ADGRL3: variants seen among roughly 807,000 people sequenced by gnomAD.
The protein encoded by ADGRL3 is calcium-independent alpha-latrotoxin receptor 3.
ADGRL3 carries 62 observed loss-of-function variants against 153.5 expected under a neutral mutation model. That is an observed-to-expected ratio of 0.40 (90% CI 0.33 to 0.50). The LOEUF (loss-of-function observed/expected upper bound fraction) is 0.50. Ranked by LOEUF, ADGRL3 falls within the 20% of genes least tolerant of loss-of-function variation. ADGRL3 has a pLI of 0.47. For missense variants in ADGRL3, 1,641 were observed against 1,859.4 expected (o/e 0.88, Z 2.16); for synonymous variants, 710 against 672.5 (o/e 1.06, Z -0.86).
At chr4:61,322,729 C>T (rs1560472522) in intron 1 of ADGRL3, among the ~76,000 whole-genome samples, 1 of 152,196 alleles carries the variant, frequency 6.6e-6, no homozygotes, top group Non-Finnish European at 1.5e-5. Flanking sequence ...GCAGCTCCAC[C>T]CCTGTGGCTT....
At chr4:61,717,194 T>TTGTG (rs1334504922) in intron 6 of ADGRL3, among the ~76,000 whole-genome samples, 4 of 114,556 alleles carry the variant, frequency 3.5e-5, no homozygotes, top group Admixed American at 3.0e-4. Flanking sequence ...GCCACATAGT[T>TTGTG]TATGTGTGTG....
chr4:61,337,842 C>G (rs2095711775), intron 1 of ADGRL3, among the ~76,000 whole-genome samples: 1 of 152,250 alleles, frequency 6.6e-6, no homozygotes, highest in East Asian at 1.9e-4. Context: ...GAGCATTAAC[C>G]TGCAAGGTTC....
At chr4:61,729,262 A>G (rs1168968583) in intron 6 of ADGRL3, among the ~76,000 whole-genome samples, 1 of 151,966 alleles carries the variant, frequency 6.6e-6, no homozygotes, top group Admixed American at 6.6e-5. Context: ...TGAAGGATCT[A>G]AAATTTGATA....
At chr4:61,258,850 T>C (rs915359578) in intron 1 of ADGRL3, among the ~76,000 whole-genome samples, 4 of 152,178 alleles carry the variant, frequency 2.6e-5, no homozygotes, top group African/African-American at 9.7e-5. Context: ...AATAACCTAC[T>C]TCTAGGAAGT....
chr4:61,835,856 A>G (rs1012424879), intron 9 of ADGRL3, among the ~76,000 whole-genome samples: 2 of 152,212 alleles, frequency 1.3e-5, no homozygotes, highest in South Asian at 4.1e-4. Flanking sequence ...GCTACACAGC[A>G]TTGGGCAGTT....
At chr4:61,696,670 C>CTTTTTTTTTTTTTTT (rs34306284) in intron 6 of ADGRL3, among the ~76,000 whole-genome samples, 1 of 102,016 alleles carries the variant, frequency 9.8e-6, no homozygotes, top group African/African-American at 4.0e-5. Context: ...TTTTTTTAAC[C>CTTTTTTTTTTTTTTT]TTTTTTTTTT....
At position 61,760,632 on chromosome 4, in the gene ADGRL3, C is replaced by T. The variant is rs185024366; in HGVS notation, c.1399+27078C>T. 2.7e-3 allele frequency among the ~76,000 whole-genome samples: 407 copies of T among 152,306 alleles called. 8 individuals are homozygous for T. Among genetic ancestry groups the T allele is most frequent in the East Asian group, 2.1e-3 (11 of 5,162 alleles). On this transcript the variant is annotated intron_variant, in intron 8 of 26. Coordinates refer to ENST00000683033, the MANE Select transcript of ADGRL3 (RefSeq NM_001387552.1). The stretch of plus-strand genomic sequence containing the variant: ...AGTGAGGCGATGCCTCGCCCTGCTT[C>T]GGCTCACGCTGGGTGCGCTGCACCC...
At chr4:61,447,729 G>A (rs2097602657) in intron 2 of ADGRL3, among the ~76,000 whole-genome samples, 1 of 152,162 alleles carries the variant, frequency 6.6e-6, no homozygotes, top group African/African-American at 2.4e-5. Flanking sequence ...TAATATTACA[G>A]CTTTGCCCCT....
chr4:61,461,649 A>G (rs927979276), intron 2 of ADGRL3, among the ~76,000 whole-genome samples: 2 of 152,224 alleles, frequency 1.3e-5, no homozygotes, highest in African/African-American at 4.8e-5. Flanking sequence ...CACAGAAAAA[A>G]GTGAATTTTA....
intron 25 of ADGRL3, among the ~76,000 whole-genome samples, chr4:62,063,893 T>A (rs1037141461): frequency 2.0e-5 from 3 of 152,116 alleles, no homozygotes; most frequent in African/African-American, 7.2e-5. Context: ...TAAAATGTAT[T>A]GTGGTTTGTC....
intron 2 of ADGRL3, among the ~76,000 whole-genome samples, chr4:61,487,851 A>T (rs1405677292): frequency 6.6e-6 from 1 of 151,966 alleles, no homozygotes; most frequent in Non-Finnish European, 1.5e-5. Flanking sequence ...TTTAGTTTTA[A>T]TTATTGGGGA....
At chr4:61,784,425 T>C (rs17090539) in intron 8 of ADGRL3, among the ~76,000 whole-genome samples, 2,258 of 128,964 alleles carry the variant, frequency 0.018, 55 homozygotes, top group African/African-American at 0.061. Flanking sequence ...CAAATACATA[T>C]TAGTTGACTC....
intron 1 of ADGRL3, among the ~76,000 whole-genome samples, chr4:61,352,963 CA>C (rs1451698323): frequency 6.6e-6 from 1 of 152,108 alleles, no homozygotes; most frequent in African/African-American, 2.4e-5. Context: ...TCCAAACTTG[CA>C]GGTCAGTATG....
At chr4:61,384,036 A>G (rs1274344215) in intron 2 of ADGRL3, among the ~76,000 whole-genome samples, 1 of 151,892 alleles carries the variant, frequency 6.6e-6, no homozygotes, top group Non-Finnish European at 1.5e-5. Flanking sequence ...TTCATTTTGA[A>G]TTATTGACAT....
At chr4:61,859,986 TGAA>T (rs1321675857) in intron 9 of ADGRL3, among the ~76,000 whole-genome samples, 2 of 152,122 alleles carry the variant, frequency 1.3e-5, no homozygotes, top group Non-Finnish European at 2.9e-5. Context: ...ATACTAAAAG[TGAA>T]GAAATATTTC....
chr4:61,391,854 A>ACT (rs2096807238), intron 2 of ADGRL3, among the ~76,000 whole-genome samples: 1 of 120,846 alleles, frequency 8.3e-6, no homozygotes, highest in Non-Finnish European at 1.7e-5. Context: ...GAAAAATGCT[A>ACT]CTTTTTTTTT....
At chr4:61,510,582 T>C (rs754008191) in intron 3 of ADGRL3, among the ~76,000 whole-genome samples, 2 of 152,178 alleles carry the variant, frequency 1.3e-5, no homozygotes, top group African/African-American at 2.4e-5. Flanking sequence ...GTGTGTGGCT[T>C]TATTTCTGGC....
intron 1 of ADGRL3, among the ~76,000 whole-genome samples, chr4:61,365,806 CAG>C (rs1224401238): frequency 3.3e-5 from 5 of 151,928 alleles, no homozygotes; most frequent in African/African-American, 1.2e-4. Flanking sequence ...TTTCAAATAA[CAG>C]AAAAAAATGA....
rs1218531669 is a variant in ADGRL3 at position 61,641,735 on chromosome 4, C to T, written c.474-35091C>T. Among the ~76,000 whole-genome samples the T allele has an allele frequency of 2.6e-5, 4 of 151,678 alleles. No individual in the cohort carries two copies. The East Asian group carries it at 7.8e-4, about 30-fold the overall frequency. On this transcript the variant is annotated intron_variant, in intron 5 of 26. Coordinates refer to ENST00000683033, the MANE Select transcript of ADGRL3 (RefSeq NM_001387552.1). The stretch of plus-strand genomic sequence containing the variant: ...AAGTCTTTGCTATTGTGAATAATGC[C>T]ACAATAAACATACGTGTGCATGTGT...
Sources: gnomAD v4.1 joint callset for allele counts (sites outside exome capture counted in the v4.1 genomes callset) on GRCh38, gnomAD v4.1.1 for gene constraint, MANE v1.5 for transcripts, NCBI Gene and HGNC (gene_info 2026-07-23, HGNC 2026-07-21) for gene names.